TEK: variants seen among roughly 807,000 people sequenced by gnomAD.
TEK encodes the protein TEK receptor tyrosine kinase.
A neutral mutation model predicts 131.8 loss-of-function variants in TEK; 43 were observed. The ratio of observed to expected loss-of-function variants is 0.33; its 90% confidence interval spans 0.26 to 0.42. The LOEUF (loss-of-function observed/expected upper bound fraction) is 0.42, where lower values mean the gene tolerates loss of function less well. Among genes scored for constraint, TEK ranks in the 10% least tolerant of loss-of-function variants. The pLI, the probability that TEK is intolerant of heterozygous loss-of-function variation, is 1.00. For synonymous variants in TEK, 580 were observed against 491.6 expected, an observed-to-expected ratio of 1.18 and a Z score of -2.38; for missense variants, 1,162 against 1,384.4, an observed-to-expected ratio of 0.84 and a Z score of 2.55.
At chr9:27,198,953 AC>A (rs1247786022) in intron 12 of TEK, among the ~76,000 whole-genome samples, 3 of 151,854 alleles carry the variant, frequency 2.0e-5, no homozygotes, top group Admixed American at 6.5e-5. Flanking sequence ...ACACGCCACC[AC>A]ACCTGACTTT....
intron 9 of TEK, among the ~76,000 whole-genome samples, chr9:27,188,353 T>C (rs573071018): frequency 6.6e-6 from 1 of 152,300 alleles, no homozygotes; most frequent in Admixed American, 6.5e-5. Context: ...ATATGTATGT[T>C]CCATCTCAGT....
intron 15 of TEK, among the ~76,000 whole-genome samples, chr9:27,207,747 T>G (rs914469565): frequency 6.6e-6 from 1 of 152,158 alleles, no homozygotes; most frequent in Non-Finnish European, 1.5e-5. Flanking sequence ...GCTGGCAGAT[T>G]TTTCTTTTTT....
intron 8 of TEK, 69 bp from the exon 9 acceptor site, chr9:27,185,416 T>G: frequency 6.3e-7 from 1 of 1,585,064 alleles, no homozygotes; most frequent in Non-Finnish European, 8.7e-7. Flanking sequence ...TGAGATGGGG[T>G]CAATGTTATG....
chr9:27,197,094 A>G (rs1370696692), intron 11 of TEK, among the ~76,000 whole-genome samples: 1 of 150,058 alleles, frequency 6.7e-6, no homozygotes, highest in Non-Finnish European at 1.5e-5. Context: ...ATACTTTCAA[A>G]TGACCAGATT....
At chr9:27,152,519 T>C (rs1823163961) in intron 1 of TEK, among the ~76,000 whole-genome samples, 1 of 152,020 alleles carries the variant, frequency 6.6e-6, no homozygotes, top group Non-Finnish European at 1.5e-5. Context: ...AAAATGAAAA[T>C]TGCTGACCTT....
chr9:27,189,382 A>G (rs1365634881), intron 9 of TEK, among the ~76,000 whole-genome samples: 1 of 152,132 alleles, frequency 6.6e-6, no homozygotes, highest in Non-Finnish European at 1.5e-5. Context: ...TCACAGATGT[A>G]CTTTATATCT....
At chr9:27,146,951 G>T (rs920326678) in intron 1 of TEK, among the ~76,000 whole-genome samples, 6 of 152,078 alleles carry the variant, frequency 3.9e-5, no homozygotes, top group Non-Finnish European at 4.4e-5. Context: ...GGATGGTCTT[G>T]ATCTCCTGAC....
chr9:27,146,720 A>ATTTTTTTTTT (rs34727945), intron 1 of TEK, among the ~76,000 whole-genome samples: 1 of 113,690 alleles, frequency 8.8e-6, no homozygotes, highest in Non-Finnish European at 1.8e-5. Context: ...TAAACATTCT[A>ATTTTTTTTTT]TTTTTTTTTT....
intron 21 of TEK, among the ~76,000 whole-genome samples, chr9:27,222,507 GTAGACCTCTCTGTAGAAA>G (rs1451252188): frequency 6.6e-5 from 10 of 152,206 alleles, no homozygotes; most frequent in African/African-American, 2.4e-4. Context: ...CAGACTAACA[GTAGACCTCTCTGTAGAAA>G]CCCTACGAGC....
At chr9:27,197,223 G>T (rs1825059439) in intron 11 of TEK, 92 bp from the exon 12 acceptor site, 1 of 1,409,392 alleles carries the variant, frequency 7.1e-7, no homozygotes, top group East Asian at 2.3e-5. Flanking sequence ...CCAACACTGG[G>T]GATTACATTT....
chr9:27,136,086 T>TTTA (rs774194514), intron 1 of TEK, among the ~76,000 whole-genome samples: 1,714 of 42,170 alleles, frequency 0.041, 53 homozygotes, highest in African/African-American at 0.13. Flanking sequence ...AGGGCAGTTA[T>TTTA]TTTTTTTTTT....
chr9:27,118,698 C>G (rs1457018879), intron 1 of TEK, among the ~76,000 whole-genome samples: 2 of 152,130 alleles, frequency 1.3e-5, no homozygotes, highest in Non-Finnish European at 2.9e-5. Flanking sequence ...TTCAAACTTT[C>G]AAGAACTGCC....
Position 27,109,466 on chromosome 9 carries a change from T to C in TEK, c.-125T>C. On this transcript the variant is annotated 5_prime_UTR_variant, in exon 1 of 23. Transcript: ENST00000380036. Reference sequence around the variant, plus strand: ...TGCTTCTGTGCTGTTCCTTCTTGCCTCTAACTTGTAAACAAGACGTAGTAG... The same window carrying C: ...TGCTTCTGTGCTGTTCCTTCTTGCCCCTAACTTGTAAACAAGACGTAGTAG... The C allele has an allele frequency of 1.0e-6, 1 of 975,336 alleles. No homozygotes were observed. Among genetic ancestry groups the C allele is most frequent in the Non-Finnish European group, 1.7e-6 (1 of 599,662 alleles). The allele number at this position is 975,336 out of a possible 1,614,324, so 60.4% of individuals were successfully genotyped here.
chr9:27,141,910 T>G (rs1822738642), intron 1 of TEK, among the ~76,000 whole-genome samples: 1 of 152,232 alleles, frequency 6.6e-6, no homozygotes, highest in African/African-American at 2.4e-5. Flanking sequence ...ATTTAAACTT[T>G]ATTTTTTTGA....
chr9:27,157,055 A>G (rs938707144), intron 1 of TEK, among the ~76,000 whole-genome samples: 2 of 152,056 alleles, frequency 1.3e-5, no homozygotes, highest in Non-Finnish European at 2.9e-5. Context: ...TTTTCTTTTT[A>G]AAAGTGTACT....
intron 21 of TEK, among the ~76,000 whole-genome samples, chr9:27,221,988 G>C (rs139424324): frequency 6.6e-6 from 1 of 152,072 alleles, no homozygotes; most frequent in African/African-American, 2.4e-5. Context: ...AGCTAAGAAC[G>C]TTGAAAAAAG....
chr9:27,136,078 G>A (rs1043643547), intron 1 of TEK, among the ~76,000 whole-genome samples: 3 of 130,118 alleles, frequency 2.3e-5, no homozygotes, highest in Non-Finnish European at 5.0e-5. Context: ...GAATTCCCAG[G>A]GCAGTTATTT....
chr9:27,174,821 C>A (rs1824101569), intron 6 of TEK, among the ~76,000 whole-genome samples: 1 of 152,018 alleles, frequency 6.6e-6, no homozygotes, highest in Non-Finnish European at 1.5e-5. Flanking sequence ...GGGGGCAGAT[C>A]CCTTGTATTT....
chr9:27,150,761 T>C (rs942971083), intron 1 of TEK, among the ~76,000 whole-genome samples: 1 of 152,120 alleles, frequency 6.6e-6, no homozygotes, highest in Non-Finnish European at 1.5e-5. Context: ...TAAAGTCTCG[T>C]TGTGTGGATG....
Sources: allele counts gnomAD v4.1 joint callset (sites outside exome capture counted in the v4.1 genomes callset), GRCh38; gene constraint gnomAD v4.1.1; transcripts MANE v1.5; gene names NCBI Gene and HGNC (gene_info 2026-07-23, HGNC 2026-07-21).